The following AFF2 variants were observed in gnomAD, a reference collection of about 807,000 sequenced individuals.
The protein encoded by AFF2 is ALF transcription elongation factor 2.
Under a neutral mutation model 76.9 loss-of-function variants are expected in AFF2, and 14 were observed. The observed-to-expected ratio is 0.18, with a 90% confidence interval of 0.12 to 0.28. The LOEUF (loss-of-function observed/expected upper bound fraction) is 0.28. Among genes scored for constraint, AFF2 ranks in the 10% least tolerant of loss-of-function variants. AFF2 has a pLI of 1.00. For missense variants in AFF2, 868 were observed against 1,001.1 expected (o/e 0.87, Z 1.79); for synonymous variants, 398 against 366.7 (o/e 1.09, Z -0.98).
chrX:148,570,678 G>GT (rs1368680823), intron 1 of AFF2, among the ~76,000 whole-genome samples: 1 of 111,358 alleles, frequency 9.0e-6, no homozygotes, highest in Non-Finnish European at 1.9e-5. Context: ...CAATAGAAAT[G>GT]TTTTGTTTCC....
In AFF2 at chrX:148,616,748, G is replaced by A. The variant is rs782211919; in HGVS notation, c.48-35251G>A. ...CTTCCCCCACCCCACAACAGTCCCC[G>A]GTGTGTGATGTTCCCCTTCCTGTGC... is the stretch of plus-strand genomic sequence containing the variant. On this transcript the variant is annotated intron_variant, in intron 1 of 20. Transcript: ENST00000370460. Among the ~76,000 whole-genome samples the A allele has an allele frequency of 7.9e-5, 7 of 89,146 alleles. No individual in the cohort carries two copies. The East Asian group carries it at 1.7e-3, about 22-fold the overall frequency. The allele number at this position is 89,146 out of a possible 115,157, so 77.4% of individuals were successfully genotyped here. A position where few individuals can be genotyped will look rare whatever the true frequency, so the allele number is the denominator to read the frequency against.
At chrX:148,557,590 G>T (rs1022265611) in intron 1 of AFF2, among the ~76,000 whole-genome samples, 29 of 111,750 alleles carry the variant, frequency 2.6e-4, no homozygotes, top group Admixed American at 2.2e-3. Context: ...AAGAGAGAGA[G>T]CAAGGTGGGA....
chrX:148,510,612 A>T (rs1319331752), intron 1 of AFF2, among the ~76,000 whole-genome samples: 2 of 112,006 alleles, frequency 1.8e-5, no homozygotes, highest in African/African-American at 6.5e-5. Context: ...GACTTTCCAG[A>T]TATCTACTCC....
At chrX:148,895,960 T>C (rs368771258) in intron 8 of AFF2, among the ~76,000 whole-genome samples, 1 of 111,434 alleles carries the variant, frequency 9.0e-6, no homozygotes, top group African/African-American at 3.3e-5. Context: ...TAGGTTCACC[T>C]TCAAGCCTCT....
At chrX:148,599,745 A>G (rs782259449) in intron 1 of AFF2, among the ~76,000 whole-genome samples, 1 of 111,977 alleles carries the variant, frequency 8.9e-6, no homozygotes, top group African/African-American at 3.2e-5. Context: ...TGGAAAAAGG[A>G]AATTAAATGT....
At chrX:148,643,406 G>A (rs1363830504) in intron 1 of AFF2, among the ~76,000 whole-genome samples, 1 of 111,977 alleles carries the variant, frequency 8.9e-6, no homozygotes, top group East Asian at 2.8e-4. Context: ...TCATTCAGTT[G>A]TTTGCAGCTC....
chrX:148,716,074 T>C (rs1295580499), intron 3 of AFF2, among the ~76,000 whole-genome samples: 1 of 111,890 alleles, frequency 8.9e-6, no homozygotes, highest in African/African-American at 3.3e-5. Flanking sequence ...GCATTTTACA[T>C]AAATGGTTAT....
At chrX:148,842,185 C>T (rs2070608366) in intron 5 of AFF2, among the ~76,000 whole-genome samples, 1 of 112,001 alleles carries the variant, frequency 8.9e-6, no homozygotes, top group Admixed American at 9.5e-5. Flanking sequence ...CTCTTCCATC[C>T]ACACAGTGCC....
chrX:148,983,903 T>C (rs1354866915), intron 19 of AFF2, among the ~76,000 whole-genome samples: 5 of 92,178 alleles, frequency 5.4e-5, no homozygotes, highest in African/African-American at 1.2e-4. Context: ...TGAGAACATA[T>C]ACGCCAGACA....
At chrX:148,545,851 G>A (rs1557238093) in intron 1 of AFF2, among the ~76,000 whole-genome samples, 3 of 111,047 alleles carry the variant, frequency 2.7e-5, no homozygotes. Context: ...GAGAATGAGC[G>A]TTTCTAACAC....
At chrX:148,979,296 G>A (rs2072364259) in intron 18 of AFF2, among the ~76,000 whole-genome samples, 1 of 112,337 alleles carries the variant, frequency 8.9e-6, no homozygotes, top group African/African-American at 3.2e-5. Flanking sequence ...GAGTGGAAGT[G>A]CACAGCTTTA....
chrX:148,973,356 T>C, intron 15 of AFF2, 115 bp from the exon 16 acceptor site: 2 of 933,603 alleles, frequency 2.1e-6, no homozygotes, highest in East Asian at 6.3e-5. Flanking sequence ...TCTCCAGACA[T>C]TGCCAAATGT....
chrX:148,656,168 C>T (rs1264083330), intron 2 of AFF2, among the ~76,000 whole-genome samples: 4 of 111,894 alleles, frequency 3.6e-5, no homozygotes, highest in Admixed American at 2.8e-4. Context: ...GAATGTTGAC[C>T]ACCCCTAGAT....
chrX:148,953,736 A>G lies in AFF2; in HGVS notation c.1554A>G (p.Pro518=). The change falls in exon 10 of 21, where the codon CCA becomes CCG. Residue 518 remains proline (P), a synonymous_variant. Coordinates refer to ENST00000370460, the MANE Select transcript of AFF2 (RefSeq NM_002025.4). ...ESNEAPRVAT[P]EPEPPSTNKW... ...ATGAGGCACCTCGTGTGGCAACTCC[A>G]GAGGTGAGTGAAGGTGCCAGGGCCC... 1 of 1,205,860 alleles carries G rather than the reference A, an allele frequency of 8.3e-7. No homozygotes were observed. The highest frequency in any genetic ancestry group is 1.1e-6 in the Non-Finnish European group (1 of 892,457).
chrX:148,791,512 A>G (rs2069895044), intron 3 of AFF2, among the ~76,000 whole-genome samples: 1 of 112,510 alleles, frequency 8.9e-6, no homozygotes, highest in African/African-American at 3.2e-5. Flanking sequence ...ACACAGCCAA[A>G]CCATATCAGT....
chrX:148,581,983 C>T lies in AFF2; in HGVS notation c.48-70016C>T, dbSNP rs782751249. 1.1e-3 allele frequency among the ~76,000 whole-genome samples: 118 copies of T among 111,903 alleles called. 1 individual carries two copies. The highest frequency in any genetic ancestry group is 2.0e-3 in the Non-Finnish European group (104 of 53,037). ...TTCTTAAGTCTCCTTTAATCTGGGA[C>T]GTTCCTCGCTCTGTCTTTGTTATTT... On this transcript the variant is annotated intron_variant, in intron 1 of 20. Coordinates refer to ENST00000370460, the MANE Select transcript of AFF2 (RefSeq NM_002025.4).
intron 19 of AFF2, among the ~76,000 whole-genome samples, chrX:148,986,611 G>A (rs1385619601): frequency 8.9e-6 from 1 of 112,935 alleles, no homozygotes; most frequent in Non-Finnish European, 1.9e-5. Context: ...ATCCTAAAGA[G>A]AGAGAATACT....
intron 2 of AFF2, among the ~76,000 whole-genome samples, chrX:148,654,016 G>A (rs1264560208): frequency 1.1e-4 from 12 of 111,452 alleles, no homozygotes; most frequent in African/African-American, 3.9e-4. Flanking sequence ...ATAGGTATCA[G>A]TGGAAGCTGT....
intron 11 of AFF2, among the ~76,000 whole-genome samples, chrX:148,957,424 T>C (rs921850576): frequency 9.0e-6 from 1 of 111,023 alleles, no homozygotes; most frequent in Non-Finnish European, 1.9e-5. Flanking sequence ...ATGATGGCAG[T>C]CATCATTCAG....
Sources: gnomAD v4.1 joint callset for allele counts (sites outside exome capture counted in the v4.1 genomes callset) on GRCh38, gnomAD v4.1.1 for gene constraint, MANE v1.5 for transcripts, NCBI Gene and HGNC (gene_info 2026-07-23, HGNC 2026-07-21) for gene names.